AXDND1: variants seen among roughly 807,000 people sequenced by gnomAD.
AXDND1 encodes the protein axonemal dynein light chain domain-containing protein 1.
A neutral mutation model predicts 137.5 loss-of-function variants in AXDND1; 110 were observed. That is an observed-to-expected ratio of 0.80 (90% CI 0.69 to 0.94). AXDND1 has a LOEUF of 0.94. Ranked by LOEUF, AXDND1 falls within the 40% of genes least tolerant of loss-of-function variation. The pLI is 0.00. For missense variants in AXDND1, 1,191 were observed against 1,169.8 expected (o/e 1.02, Z -0.26); for synonymous variants, 414 against 399.7 (o/e 1.04, Z -0.43).
chr1:179,403,991 A>C (rs1419933981), intron 11 of AXDND1, among the ~76,000 whole-genome samples: 1 of 152,208 alleles, frequency 6.6e-6, no homozygotes, highest in Non-Finnish European at 1.5e-5. Context: ...ACTATGATTT[A>C]ATACTGTACC....
At chr1:179,537,345 A>G (rs960273509) in intron 25 of AXDND1, among the ~76,000 whole-genome samples, 1 of 152,212 alleles carries the variant, frequency 6.6e-6, no homozygotes, top group Non-Finnish European at 1.5e-5. Flanking sequence ...TTTGTCATAA[A>G]TAGCTCTTAT....
At chr1:179,456,902 T>G in intron 16 of AXDND1, 1 of 1,058,356 alleles carries the variant, frequency 9.4e-7, no homozygotes, top group Non-Finnish European at 1.5e-6. Flanking sequence ...AGGCAAAGCC[T>G]CTTTTCTTGC....
chr1:179,436,901 A>G (rs1658237226), intron 15 of AXDND1, among the ~76,000 whole-genome samples: 1 of 152,172 alleles, frequency 6.6e-6, no homozygotes, highest in Non-Finnish European at 1.5e-5. Context: ...GGTAGATATC[A>G]GCTTTACACT....
intron 22 of AXDND1, among the ~76,000 whole-genome samples, chr1:179,526,984 T>C (rs1401970304): frequency 6.6e-6 from 1 of 152,172 alleles, no homozygotes; most frequent in Non-Finnish European, 1.5e-5. Context: ...GGTGTCATGA[T>C]TCAGAGCCCA....
intron 20 of AXDND1, among the ~76,000 whole-genome samples, chr1:179,494,793 A>G (rs1667282239): frequency 1.3e-5 from 2 of 152,176 alleles, no homozygotes; most frequent in Non-Finnish European, 2.9e-5. Context: ...ACAACATCAT[A>G]AAGATTTTCT....
intron 2 of AXDND1, among the ~76,000 whole-genome samples, chr1:179,367,038 T>C (rs1399869191): frequency 1.3e-5 from 2 of 151,306 alleles, no homozygotes; most frequent in Non-Finnish European, 1.5e-5. Context: ...TGGCCAAATA[T>C]GATGAAATCC....
intron 18 of AXDND1, among the ~76,000 whole-genome samples, chr1:179,486,550 G>GA (rs1337618780): frequency 6.7e-6 from 1 of 149,308 alleles, no homozygotes; most frequent in Admixed American, 6.6e-5. Context: ...AGGTTGAAAT[G>GA]AAAGAAAAAA....
At chr1:179,432,902 CA>C (rs199738366) in intron 15 of AXDND1, among the ~76,000 whole-genome samples, 87 of 142,708 alleles carry the variant, frequency 6.1e-4, no homozygotes, top group African/African-American at 1.4e-3. Flanking sequence ...GACTCCATCT[CA>C]AAAAAAAAAA....
chr1:179,540,260 G>T (rs1299091170), intron 25 of AXDND1, among the ~76,000 whole-genome samples: 1 of 152,084 alleles, frequency 6.6e-6, no homozygotes, highest in Non-Finnish European at 1.5e-5. Context: ...TGATCCTTTG[G>T]AGGATAAGAG....
intron 12 of AXDND1, among the ~76,000 whole-genome samples, chr1:179,424,016 T>G (rs1327833412): frequency 6.6e-6 from 1 of 152,214 alleles, no homozygotes; most frequent in Non-Finnish European, 1.5e-5. Context: ...CCATTAGCAT[T>G]TCTTGTAAGA....
rs2125781151 is a variant in AXDND1, at chr1:179,554,658, TG to T, written c.*140del. On this transcript the variant is annotated 3_prime_UTR_variant, in exon 26 of 26. Coordinates refer to ENST00000367618, the MANE Select transcript of AXDND1 (RefSeq NM_144696.6). ...CTTTGAAAGGACATTATTTGCCTGT[TG>T]TATTTAACTTCACAGTGCCTTGCAA... 7.6e-7 allele frequency: 1 copy of T among 1,312,404 alleles called. No homozygotes were observed. The highest frequency in any genetic ancestry group is 2.3e-5 in the East Asian group (1 of 42,750). 81.3% of individuals were successfully genotyped at this position (1,312,404 alleles called of 1,614,324 possible). A position where few individuals can be genotyped will look rare whatever the true frequency, so the allele number is the denominator to read the frequency against.
chr1:179,406,363 G>A (rs2125197012), intron 11 of AXDND1, among the ~76,000 whole-genome samples: 1 of 152,256 alleles, frequency 6.6e-6, no homozygotes. Flanking sequence ...GTAAATTCCT[G>A]TAATGTCCAT....
At chr1:179,515,236 C>CT (rs1669424373) in intron 21 of AXDND1, among the ~76,000 whole-genome samples, 1 of 151,984 alleles carries the variant, frequency 6.6e-6, no homozygotes, top group South Asian at 2.1e-4. Context: ...GATTAGAGCT[C>CT]TTTTTAGCAG....
intron 15 of AXDND1, among the ~76,000 whole-genome samples, chr1:179,435,712 T>C (rs1658051511): frequency 6.6e-6 from 1 of 151,804 alleles, no homozygotes; most frequent in Non-Finnish European, 1.5e-5. Flanking sequence ...TTAAAGACTT[T>C]AAAATCCCAA....
intron 9 of AXDND1, among the ~76,000 whole-genome samples, chr1:179,391,741 T>A (rs1650242701): frequency 6.6e-6 from 1 of 152,064 alleles, no homozygotes; most frequent in South Asian, 2.1e-4. Flanking sequence ...TTTCACTGTG[T>A]TGGCCAGGCT....
chr1:179,426,080 C>A (rs1184441815), intron 12 of AXDND1, among the ~76,000 whole-genome samples: 1 of 152,066 alleles, frequency 6.6e-6, no homozygotes, highest in Non-Finnish European at 1.5e-5. Context: ...TGTCATCTGC[C>A]TGCCTCGACC....
At chr1:179,380,248 C>CA (rs200570828) in intron 6 of AXDND1, among the ~76,000 whole-genome samples, 116 of 134,146 alleles carry the variant, frequency 8.6e-4, no homozygotes, top group East Asian at 5.2e-3. Flanking sequence ...GACTCCGTCT[C>CA]AAAAAAAAAA....
chr1:179,469,890 C>A (rs1663705751), intron 17 of AXDND1, among the ~76,000 whole-genome samples: 1 of 152,126 alleles, frequency 6.6e-6, no homozygotes, highest in African/African-American at 2.4e-5. Context: ...GCTAAGAATT[C>A]TTTGCCAAAT....
intron 18 of AXDND1, among the ~76,000 whole-genome samples, chr1:179,490,251 A>G (rs75569694): frequency 0.03 from 4,582 of 152,310 alleles, 255 homozygotes; most frequent in African/African-American, 0.1. Context: ...AATTAGAGCC[A>G]GTGGAAACTG....
Sources: gnomAD v4.1 joint callset for allele counts (sites outside exome capture counted in the v4.1 genomes callset) on GRCh38, gnomAD v4.1.1 for gene constraint, MANE v1.5 for transcripts, NCBI Gene and HGNC (gene_info 2026-07-23, HGNC 2026-07-21) for gene names.